Variants in UBR1 observed in about 807,000 individuals in gnomAD.
The protein encoded by UBR1 is ubiquitin protein ligase E3 component n-recognin 1.
In UBR1, 102 loss-of-function variants were observed where a neutral mutation model predicts 242.1. The observed-to-expected ratio is 0.42, with a 90% CI of 0.36 to 0.50. The LOEUF (loss-of-function observed/expected upper bound fraction) is 0.50. Among genes scored for constraint, UBR1 ranks in the 20% least tolerant of loss-of-function variants. The pLI is 0.01. For synonymous variants in UBR1, 675 were observed against 684.8 expected, an observed-to-expected ratio of 0.99 and a Z score of 0.22; for missense variants, 1,772 against 2,101.8, an observed-to-expected ratio of 0.84 and a Z score of 3.07.
At chr15:42,951,387 C>CTAA (rs1169300441) in intron 45 of UBR1, among the ~76,000 whole-genome samples, 1 of 152,166 alleles carries the variant, frequency 6.6e-6, no homozygotes, top group African/African-American at 2.4e-5. Flanking sequence ...CCACGCCCAG[C>CTAA]TAATGTTTGT....
chr15:42,997,323 C>T (rs1219378191), intron 33 of UBR1, among the ~76,000 whole-genome samples: 1 of 152,172 alleles, frequency 6.6e-6, no homozygotes, highest in Admixed American at 6.5e-5. Flanking sequence ...ACTGATTCTA[C>T]ATTATGGTGA....
intron 29 of UBR1, among the ~76,000 whole-genome samples, chr15:43,009,242 G>A (rs2032880143): frequency 6.6e-6 from 1 of 152,226 alleles, no homozygotes; most frequent in Admixed American, 6.5e-5. Context: ...GAGCTGCCAG[G>A]TGCCACCATA....
intron 1 of UBR1, among the ~76,000 whole-genome samples, chr15:43,101,931 C>T (rs1023219116): frequency 5.2e-5 from 7 of 135,910 alleles, no homozygotes; most frequent in African/African-American, 1.9e-4. Flanking sequence ...TCTCGCCACG[C>T]ACTCCAGCCT....
chr15:43,013,122 C>A (rs2032951344), intron 29 of UBR1, among the ~76,000 whole-genome samples: 1 of 152,156 alleles, frequency 6.6e-6, no homozygotes, highest in African/African-American at 2.4e-5. Context: ...CCAGGCTGGT[C>A]TCGAACTCCT....
chr15:42,961,347 A>C (rs564788914), intron 42 of UBR1, among the ~76,000 whole-genome samples: 97 of 151,046 alleles, frequency 6.4e-4, no homozygotes, highest in African/African-American at 2.3e-3. Flanking sequence ...TCCTGACCTC[A>C]GGTGATCAGC....
At chr15:42,972,718 T>C (rs1596080863) in intron 39 of UBR1, among the ~76,000 whole-genome samples, 1 of 152,332 alleles carries the variant, frequency 6.6e-6, no homozygotes, top group South Asian at 2.1e-4. Context: ...ACTCTCTGGA[T>C]ATACTGTAAT....
rs571583196 is a variant in UBR1 at position 43,037,750 on chromosome 15, A to G, written c.2022+23T>C. ...TTAGAAAATGAGCACATTCATAAAT[A>G]TGAATAATAGACTTTGCTGTACCTG... is the stretch of plus-strand genomic sequence containing the variant. On this transcript the variant is annotated intron_variant, in intron 17 of 46. Coordinates refer to ENST00000290650, the MANE Select transcript of UBR1 (RefSeq NM_174916.3). 1.4e-4 allele frequency: 227 copies of G among 1,602,482 alleles called. 2 individuals carry two copies. In the South Asian group the frequency reaches 2.4e-3, roughly 17 times the overall value.
At chr15:43,088,866 A>C (rs1221799955) in intron 1 of UBR1, among the ~76,000 whole-genome samples, 2 of 152,128 alleles carry the variant, frequency 1.3e-5, no homozygotes, top group Admixed American at 6.5e-5. Flanking sequence ...CTTTTAAAAA[A>C]TCTACATGAG....
At chr15:43,105,884 A>C in intron 1 of UBR1, 58 bp downstream of exon 1, 31 of 1,490,372 alleles carry the variant, frequency 2.1e-5, no homozygotes, top group Non-Finnish European at 2.4e-5. Flanking sequence ...ACATCCTCCT[A>C]AGCGCAGTAG....
chr15:42,950,655 C>T, intron 45 of UBR1: 1 of 390,890 alleles, frequency 2.6e-6, no homozygotes. Flanking sequence ...GCCACAGACA[C>T]CTTGGAAAAT....
At chr15:43,038,316 C>A in intron 15 of UBR1, 84 bp from the exon 16 acceptor site, 2 of 1,411,362 alleles carry the variant, frequency 1.4e-6, no homozygotes, top group East Asian at 2.3e-5. Context: ...GAAACTTGTG[C>A]GATTTGATTT....
At chr15:43,096,998 A>G (rs1261538323) in intron 1 of UBR1, among the ~76,000 whole-genome samples, 1 of 151,980 alleles carries the variant, frequency 6.6e-6, no homozygotes, top group Non-Finnish European at 1.5e-5. Flanking sequence ...AAGTTTTTCA[A>G]TTGACTTTGC....
At position 43,029,952 on chromosome 15, in the gene UBR1, G is replaced by T. The variant is rs1372873747; in HGVS notation, c.2371C>A (p.Pro791Thr). Reference sequence around the variant, plus strand: ...ACCAAAATCAGACTTACATTCTCAGGTAAATTTTTGGCAATGGCACTGTGT... The same window carrying T: ...ACCAAAATCAGACTTACATTCTCAGTTAAATTTTTGGCAATGGCACTGTGT... ...MPHSAIAKNL[P>T]ENENNETGLE... The change falls in exon 21 of 47, where the codon CCT becomes ACT. Residue 791 changes from proline to threonine, a missense_variant. By Grantham distance (38) the Pro-to-Thr change is conservative (BLOSUM62 -1). Around this residue, in one of 3 missense-constraint regions of UBR1, gnomAD observed 73 missense variants for 128.9 expected, o/e 0.57. Coordinates refer to ENST00000290650, the MANE Select transcript of UBR1 (RefSeq NM_174916.3). The T allele has an allele frequency of 6.2e-7, 1 of 1,613,874 alleles. No homozygotes were observed. The highest frequency in any genetic ancestry group is 2.2e-5 in the East Asian group (1 of 44,876).
At position 42,945,449 on chromosome 15, in the gene UBR1, T is replaced by C; in HGVS notation, c.5130A>G (p.Leu1710=). 2 of 1,614,112 alleles carry C rather than the reference T, an allele frequency of 1.2e-6. No individual in the cohort carries two copies. Among genetic ancestry groups the C allele is most frequent in the African/African-American group, 2.7e-5 (2 of 75,024 alleles). ...PGLKRGNPLH[L]SRERYRKLHL... ...GGAGCTTCCGATACCGCTCACGAGA[T>C]AAATGAAGGGGGTTGCCCCTCCTTT... The change falls in exon 47 of 47, where the codon TTA becomes TTG. Residue 1710 remains leucine (L), a synonymous_variant. Coordinates refer to ENST00000290650, the MANE Select transcript of UBR1 (RefSeq NM_174916.3).
At chr15:42,957,620 C>T (rs576160901) in intron 44 of UBR1, among the ~76,000 whole-genome samples, 1 of 152,150 alleles carries the variant, frequency 6.6e-6, no homozygotes, top group Non-Finnish European at 1.5e-5. Context: ...TGCCTGTAAT[C>T]CCAACATTTT....
At chr15:42,990,921 GA>G (rs1266596590) in intron 33 of UBR1, among the ~76,000 whole-genome samples, 17 of 151,902 alleles carry the variant, frequency 1.1e-4, no homozygotes, top group African/African-American at 3.9e-4. Flanking sequence ...TTCCCGACAT[GA>G]AATGGGTTGT....
chr15:43,011,928 G>GTA, intron 29 of UBR1: 1 of 453,374 alleles, frequency 2.2e-6, no homozygotes, highest in South Asian at 1.6e-5. Context: ...AAACAATGAT[G>GTA]TAGAATCTAC....
chr15:43,068,108 G>C, intron 5 of UBR1, 72 bp from the exon 6 acceptor site: 14 of 771,022 alleles, frequency 1.8e-5, no homozygotes, highest in East Asian at 8.2e-5. Flanking sequence ...AAAAAAAAAA[G>C]ACAAAATTAA....
intron 40 of UBR1, among the ~76,000 whole-genome samples, chr15:42,967,962 G>A (rs895865670): frequency 6.6e-6 from 1 of 150,488 alleles, no homozygotes; most frequent in African/African-American, 2.4e-5. Flanking sequence ...TATATATGTA[G>A]TATGTACTGT....
Sources: gnomAD v4.1 joint callset for allele counts (sites outside exome capture counted in the v4.1 genomes callset) on GRCh38, gnomAD v4.1.1 for gene constraint, gnomAD v4.1.1 regional missense constraint, MANE v1.5 for transcripts, NCBI Gene and HGNC (gene_info 2026-07-23, HGNC 2026-07-21) for gene names.